The following MIA2 variants were observed in gnomAD, a reference collection of about 807,000 sequenced individuals.
MIA2 encodes melanoma inhibitory activity protein 2.
In MIA2, 127 loss-of-function variants were observed where a neutral mutation model predicts 167.8. The ratio of observed to expected loss-of-function variants is 0.76; its 90% CI spans 0.66 to 0.88. MIA2 has a LOEUF of 0.88. Ranked by LOEUF, MIA2 falls within the 40% of genes least tolerant of loss-of-function variation. The pLI, the probability that MIA2 is intolerant of heterozygous loss-of-function variation, is 0.00. For synonymous variants in MIA2, 552 were observed against 541.9 expected (o/e 1.02, Z -0.26); for missense variants, 1,690 against 1,624.7 (o/e 1.04, Z -0.69).
intron 21 of MIA2, among the ~76,000 whole-genome samples, chr14:39,316,111 T>C (rs1372473874): frequency 6.6e-6 from 1 of 152,232 alleles, no homozygotes; most frequent in Non-Finnish European, 1.5e-5. Flanking sequence ...AGAAGCCCCT[T>C]CTAGTTCTAA....
At chr14:39,316,127 A>G (rs1257969226) in intron 21 of MIA2, among the ~76,000 whole-genome samples, 1 of 152,240 alleles carries the variant, frequency 6.6e-6, no homozygotes, top group African/African-American at 2.4e-5. Flanking sequence ...TCTAAAAGTC[A>G]TAAAATTCAG....
intron 4 of MIA2, among the ~76,000 whole-genome samples, chr14:39,252,089 T>C (rs2054608057): frequency 6.6e-6 from 1 of 152,074 alleles, no homozygotes; most frequent in Non-Finnish European, 1.5e-5. Context: ...GAGAATAGAA[T>C]TATATATAGC....
intron 14 of MIA2, among the ~76,000 whole-genome samples, chr14:39,301,148 C>T (rs913140164): frequency 2.6e-5 from 4 of 151,702 alleles, no homozygotes; most frequent in African/African-American, 4.8e-5. Context: ...GCAACCTCTG[C>T]CTCGTGGGTT....
chr14:39,326,044 C>A (rs1199181374), intron 24 of MIA2, among the ~76,000 whole-genome samples: 4 of 152,186 alleles, frequency 2.6e-5, no homozygotes, highest in Non-Finnish European at 4.4e-5. Flanking sequence ...AAGGTACTAT[C>A]TTTTCTGTGG....
chr14:39,285,514 C>T lies in MIA2; in HGVS notation c.2131-5505C>T, dbSNP rs1169448037. Among the ~76,000 whole-genome samples the T allele has an allele frequency of 1.2e-4, 16 of 136,670 alleles. 1 individual carries two copies. Among genetic ancestry groups the T allele is most frequent in the Non-Finnish European group, 2.2e-4 (14 of 62,622 alleles). The allele number at this position is 136,670 out of a possible 152,430, so 89.7% of individuals were successfully genotyped here. ...CTCCCGGACGGGGCGGCTGGCCGGG[C>T]GGGGGCTGACCCCCCACCTCCCTCC... On this transcript the variant is annotated intron_variant, in intron 9 of 28. Coordinates refer to ENST00000640607, the MANE Select transcript of MIA2 (RefSeq NM_001329214.4).
At chr14:39,243,897 G>A (rs1213681110) in intron 3 of MIA2, among the ~76,000 whole-genome samples, 2 of 152,098 alleles carry the variant, frequency 1.3e-5, no homozygotes, top group Non-Finnish European at 2.9e-5. Context: ...ATGAAGACCC[G>A]AAGATACAGA....
intron 18 of MIA2, among the ~76,000 whole-genome samples, chr14:39,309,787 C>T (rs1279642413): frequency 1.3e-5 from 2 of 152,134 alleles, no homozygotes; most frequent in Non-Finnish European, 2.9e-5. Flanking sequence ...CTGTTCAGTA[C>T]ATGTTTGTTG....
downstream of MIA2, among the ~76,000 whole-genome samples, chr14:39,352,763 G>C (rs2074423250): frequency 6.6e-6 from 1 of 152,066 alleles, no homozygotes; most frequent in Non-Finnish European, 1.5e-5. Context: ...AAATAGACTA[G>C]AAGTGTATAT....
At chr14:39,329,255 T>A (rs1194178755) in intron 25 of MIA2, among the ~76,000 whole-genome samples, 1 of 152,202 alleles carries the variant, frequency 6.6e-6, no homozygotes, top group Non-Finnish European at 1.5e-5. Flanking sequence ...GGTCATGATT[T>A]GGCTCTCTGT....
chr14:39,284,561 A>G (rs1317164629), intron 9 of MIA2, among the ~76,000 whole-genome samples: 2 of 152,112 alleles, frequency 1.3e-5, no homozygotes, highest in African/African-American at 4.8e-5. Flanking sequence ...AATTTAGATT[A>G]AAAAAATTTC....
intron 23 of MIA2, among the ~76,000 whole-genome samples, chr14:39,375,907 T>C (rs1278506191): frequency 6.6e-6 from 1 of 152,220 alleles, no homozygotes; most frequent in Non-Finnish European, 1.5e-5. Context: ...ATTTTAGTTA[T>C]ATAGTTATCT....
Position 39,253,119 on chromosome 14 carries a change from T to C in MIA2, c.1835T>C (p.Val612Ala), listed in dbSNP as rs1234153907. The change falls in exon 6 of 29, where the codon GTT becomes GCT. Residue 612 changes from valine to alanine, a missense_variant. Transcript: ENST00000640607. Reference sequence around the variant, plus strand: ...CTGAAATACTTATTCCAAATTGATGTTTATGATTTCATGAATTCTGCATTT... The same window carrying C: ...CTGAAATACTTATTCCAAATTGATGCTTATGATTTCATGAATTCTGCATTT... ...QILKYLFQID[V>A]YDFMNSAFSP... 3 of 1,606,650 alleles carry C rather than the reference T, an allele frequency of 1.9e-6. No individual in the cohort carries two copies. The highest frequency in any genetic ancestry group is 2.6e-6 in the Non-Finnish European group (3 of 1,176,232).
intron 22 of MIA2, 145 bp from the exon 23 acceptor site, chr14:39,319,064 T>C (rs2065959002): frequency 9.1e-6 from 4 of 438,954 alleles, no homozygotes; most frequent in Non-Finnish European, 1.6e-5. Flanking sequence ...GATAAAGGTG[T>C]TTTGGTCAGA....
downstream of MIA2, among the ~76,000 whole-genome samples, chr14:39,353,567 A>G (rs1018751719): frequency 4.6e-5 from 7 of 152,082 alleles, no homozygotes; most frequent in African/African-American, 1.7e-4. Flanking sequence ...TATATATACC[A>G]CATTTTCTGT....
intron 23 of MIA2, chr14:39,385,575 T>A: frequency 1.2e-6 from 1 of 814,668 alleles, no homozygotes; most frequent in Non-Finnish European, 2.2e-6. Context: ...TCAAGGCGGG[T>A]AAGGATGAAA....
intron 23 of MIA2, among the ~76,000 whole-genome samples, chr14:39,373,615 G>A (rs1041716777): frequency 3.3e-5 from 5 of 152,122 alleles, no homozygotes; most frequent in African/African-American, 1.2e-4. Context: ...GAGGTCAGGA[G>A]TTTGAGACCA....
At position 39,241,229 on chromosome 14, in the gene MIA2, T is replaced by C. The variant is rs995217007; in HGVS notation, c.336+582T>C. On this transcript the variant is annotated intron_variant, in intron 3 of 28. Coordinates refer to ENST00000640607, the MANE Select transcript of MIA2 (RefSeq NM_001329214.4). ...GTTGGGCTTCAAGGGAATCAGGAGG[T>C]GGCTTTTCAATTAATAAACTTGGTT... Among the ~76,000 whole-genome samples, 2 of 152,126 alleles carry C rather than the reference T, an allele frequency of 1.3e-5. 1 individual carries two copies. Among genetic ancestry groups the C allele is most frequent in the Non-Finnish European group, 2.9e-5 (2 of 68,018 alleles).
chr14:39,327,396 A>G (rs967919490), intron 25 of MIA2, among the ~76,000 whole-genome samples: 1 of 152,142 alleles, frequency 6.6e-6, no homozygotes, highest in Non-Finnish European at 1.5e-5. Context: ...TTTTTTGGGT[A>G]TACATTTATA....
At chr14:39,379,047 A>G (rs1012093678) in intron 23 of MIA2, among the ~76,000 whole-genome samples, 1 of 152,242 alleles carries the variant, frequency 6.6e-6, no homozygotes, top group African/African-American at 2.4e-5. Context: ...CATAAGGCCA[A>G]TTAAACCTGT....
Sources: allele counts gnomAD v4.1 joint callset (sites outside exome capture counted in the v4.1 genomes callset), GRCh38; gene constraint gnomAD v4.1.1; transcripts MANE v1.5; gene names NCBI Gene and HGNC (gene_info 2026-07-23, HGNC 2026-07-21).